Variants in LRRC1 observed in about 807,000 individuals in gnomAD.
The protein encoded by LRRC1 is leucine rich repeat containing 1, also known as leucine-rich repeat-containing protein 1.
LRRC1 carries 28 observed loss-of-function variants against 69.9 expected under a neutral mutation model. The ratio of observed to expected loss-of-function variants is 0.40; its 90% CI spans 0.30 to 0.55. The LOEUF (loss-of-function observed/expected upper bound fraction) is 0.55, where lower values mean the gene tolerates loss of function less well. LRRC1 is among the 20% of genes least tolerant of loss of function. The pLI is 0.47. For missense variants in LRRC1, 498 were observed against 609.0 expected (o/e 0.82, Z 1.92); for synonymous variants, 236 against 240.2 (o/e 0.98, Z 0.16).
intron 2 of LRRC1, among the ~76,000 whole-genome samples, chr6:53,876,990 A>G (rs1383450566): frequency 6.6e-6 from 1 of 152,154 alleles, no homozygotes; most frequent in African/African-American, 2.4e-5. Flanking sequence ...TCCTTTCTGT[A>G]CTGCCCTAGC....
intron 10 of LRRC1, 123 bp downstream of exon 10, chr6:53,904,585 T>C: frequency 1.6e-6 from 1 of 609,192 alleles, no homozygotes; most frequent in Non-Finnish European, 2.8e-6. Context: ...GTGTGAACTC[T>C]AAATCTGTGA....
intron 4 of LRRC1, among the ~76,000 whole-genome samples, chr6:53,889,389 G>T (rs1233069179): frequency 1.3e-5 from 2 of 152,008 alleles, no homozygotes; most frequent in Non-Finnish European, 2.9e-5. Flanking sequence ...AACCTAGGAG[G>T]GTTATTATTG....
intron 2 of LRRC1, among the ~76,000 whole-genome samples, chr6:53,845,311 A>G (rs1765908995): frequency 6.6e-6 from 1 of 152,232 alleles, no homozygotes; most frequent in African/African-American, 2.4e-5. Flanking sequence ...TTCTTGGTCA[A>G]GCAGATCTCA....
chr6:53,903,732 T>C (rs1399300631), intron 9 of LRRC1, among the ~76,000 whole-genome samples: 1 of 152,198 alleles, frequency 6.6e-6, no homozygotes, highest in Non-Finnish European at 1.5e-5. Flanking sequence ...GCAGCCAGCC[T>C]CTGGCAGGTG....
chr6:53,798,981 T>C (rs1036479553), intron 1 of LRRC1, among the ~76,000 whole-genome samples: 7 of 152,350 alleles, frequency 4.6e-5, no homozygotes, highest in African/African-American at 1.7e-4. Flanking sequence ...TCACATGCCA[T>C]TGGTTTTCTC....
chr6:53,885,961 G>T (rs910858789), intron 4 of LRRC1, among the ~76,000 whole-genome samples: 5 of 152,094 alleles, frequency 3.3e-5, no homozygotes, highest in African/African-American at 1.2e-4. Context: ...GGTTCCTGGG[G>T]CCCTTATGGG....
intron 2 of LRRC1, among the ~76,000 whole-genome samples, chr6:53,849,290 A>G (rs1291364440): frequency 6.6e-6 from 1 of 152,188 alleles, no homozygotes; most frequent in Admixed American, 6.5e-5. Flanking sequence ...TGACTTTTCT[A>G]AAACAATGGT....
intron 1 of LRRC1, among the ~76,000 whole-genome samples, chr6:53,809,894 G>C (rs1158341341): frequency 6.6e-6 from 1 of 152,208 alleles, no homozygotes; most frequent in Non-Finnish European, 1.5e-5. Context: ...GGCAGTGCTG[G>C]GCGCTTGTAT....
chr6:53,923,218 AC>A lies in LRRC1; in HGVS notation c.*427del, dbSNP rs1768791529. 6.4e-6 allele frequency: 1 copy of A among 155,314 alleles called. No individual in the cohort carries two copies. The highest frequency in any genetic ancestry group is 1.4e-5 in the Non-Finnish European group (1 of 70,086). 9.6% of individuals were successfully genotyped at this position (155,314 alleles called of 1,614,324 possible). ...ATGGGGAAAAATGGATACTTTTTAAACCTTTTTTGGCAGCTCAGATGGTGTA... is the reference window on the plus strand; with the variant it reads ...ATGGGGAAAAATGGATACTTTTTAAACTTTTTTGGCAGCTCAGATGGTGTA... On this transcript the variant is annotated 3_prime_UTR_variant, in exon 14 of 14. Coordinates refer to ENST00000370888, the MANE Select transcript of LRRC1 (RefSeq NM_018214.5).
At position 53,834,556 on chromosome 6, in the gene LRRC1, G is replaced by C. The variant is rs563316107; in HGVS notation, c.160-7554G>C. Among the ~76,000 whole-genome samples the C allele has an allele frequency of 6.6e-5, 10 of 152,266 alleles. No individual in the cohort carries two copies. In the South Asian group the frequency reaches 1.2e-3, roughly 19 times the overall value. ...CTGTGTGATCCTCCAGCATGGCTCTGTTTGGGAATTTTTCCTAAAGAATAT... is the reference window on the plus strand; with the variant it reads ...CTGTGTGATCCTCCAGCATGGCTCTCTTTGGGAATTTTTCCTAAAGAATAT... On this transcript the variant is annotated intron_variant, in intron 1 of 13. Coordinates refer to ENST00000370888, the MANE Select transcript of LRRC1 (RefSeq NM_018214.5).
At position 53,882,868 on chromosome 6, in the gene LRRC1, T is replaced by G. The variant is rs1390735801; in HGVS notation, c.357-19T>G. 6.6e-7 allele frequency: 1 copy of G among 1,525,064 alleles called. No homozygotes were observed. 94.5% of individuals were successfully genotyped at this position (1,525,064 alleles called of 1,614,324 possible). On this transcript the variant is annotated intron_variant, in intron 3 of 13. Coordinates refer to ENST00000370888, the MANE Select transcript of LRRC1 (RefSeq NM_018214.5). The stretch of plus-strand genomic sequence containing the variant: ...AACTTTTTTAATTTACAGCGTTTTG[T>G]TTGTTTGTTTGATTTTAGGTTGCCA...
chr6:53,903,066 A>G (rs1768109920), intron 9 of LRRC1, among the ~76,000 whole-genome samples: 1 of 152,016 alleles, frequency 6.6e-6, no homozygotes, highest in Admixed American at 6.5e-5. Flanking sequence ...GTGCCCAGAG[A>G]CCACCACTGG....
chr6:53,837,092 A>G (rs1455818395), intron 1 of LRRC1, among the ~76,000 whole-genome samples: 2 of 152,178 alleles, frequency 1.3e-5, no homozygotes, highest in Non-Finnish European at 1.5e-5. Context: ...CATTGTAATA[A>G]TGTATAATAC....
chr6:53,875,486 TAAA>T (rs559572258), intron 2 of LRRC1, among the ~76,000 whole-genome samples: 6 of 147,780 alleles, frequency 4.1e-5, no homozygotes, highest in Admixed American at 6.7e-5. Flanking sequence ...GTGTGACAAG[TAAA>T]AAAAAAAATC....
intron 10 of LRRC1, among the ~76,000 whole-genome samples, chr6:53,908,817 A>G (rs980413848): frequency 3.2e-4 from 48 of 152,206 alleles, no homozygotes; most frequent in Non-Finnish European, 3.1e-4. Context: ...AGACAAAAAG[A>G]AACTTCCACA....
chr6:53,848,732 G>T (rs897798261), intron 2 of LRRC1, among the ~76,000 whole-genome samples: 3 of 151,388 alleles, frequency 2.0e-5, no homozygotes, highest in Admixed American at 1.3e-4. Context: ...TGAATAAGTT[G>T]TAGGCTTACA....
intron 4 of LRRC1, 41 bp downstream of exon 4, chr6:53,883,017 G>T: frequency 7.8e-7 from 1 of 1,277,546 alleles, no homozygotes; most frequent in Non-Finnish European, 1.1e-6. Flanking sequence ...AGGGTGAAAG[G>T]GGGTTTATAT....
At chr6:53,889,797 T>C (rs1207044847) in intron 4 of LRRC1, among the ~76,000 whole-genome samples, 1 of 152,210 alleles carries the variant, frequency 6.6e-6, no homozygotes, top group Non-Finnish European at 1.5e-5. Flanking sequence ...TTGTGAATTA[T>C]ATCTCCGTAA....
chr6:53,887,435 CT>C (rs1467472701), intron 4 of LRRC1, among the ~76,000 whole-genome samples: 3 of 151,398 alleles, frequency 2.0e-5, no homozygotes, highest in Non-Finnish European at 4.4e-5. Context: ...CAGCTGTGTT[CT>C]TTTCTGTGCG....
Sources: gnomAD v4.1 joint callset for allele counts (sites outside exome capture counted in the v4.1 genomes callset) on GRCh38, gnomAD v4.1.1 for gene constraint, MANE v1.5 for transcripts, NCBI Gene and HGNC (gene_info 2026-07-23, HGNC 2026-07-21) for gene names.